Variants in BST1 observed in about 807,000 individuals in gnomAD.
BST1 encodes bone marrow stromal cell antigen 1.
BST1 carries 49 observed loss-of-function variants against 40.6 expected under a neutral mutation model. That is an observed-to-expected ratio of 1.21 (90% confidence interval 0.96 to 1.53). BST1 has a LOEUF of 1.53. BST1 is among the 40% of genes most tolerant of loss of function. The pLI, the probability that BST1 is intolerant of heterozygous loss-of-function variation, is 0.00. For missense variants in BST1, 423 were observed against 395.9 expected (o/e 1.07, Z -0.58); for synonymous variants, 157 against 159.3 (o/e 0.99, Z 0.11).
chr4:15,770,381 T>G, the BST1 span, among the ~76,000 whole-genome samples: 1 of 152,082 alleles, frequency 6.6e-6, no homozygotes, highest in Non-Finnish European at 1.5e-5. Flanking sequence ...CAGCCTGCTG[T>G]GGTGTCACTG....
At chr4:15,705,710 A>T in intron 2 of BST1, 69 bp downstream of exon 2, 2 of 1,571,348 alleles carry the variant, frequency 1.3e-6, no homozygotes. Flanking sequence ...TGCATGGGCC[A>T]GGTTGACATT....
At chr4:15,715,428 G>A in intron 5 of BST1, 67 bp downstream of exon 5, 5 of 1,500,600 alleles carry the variant, frequency 3.3e-6, no homozygotes, top group Non-Finnish European at 4.6e-6. Context: ...GTTTTAAATA[G>A]AGGCTAAAGA....
At chr4:15,703,838 G>A (rs1307206703) in intron 1 of BST1, among the ~76,000 whole-genome samples, 1 of 140,492 alleles carries the variant, frequency 7.1e-6, no homozygotes, top group African/African-American at 2.7e-5. Flanking sequence ...GTGTCTGTAT[G>A]TGTGTTCTAG....
chr4:15,759,461 T>C, the BST1 span, among the ~76,000 whole-genome samples: 1 of 152,018 alleles, frequency 6.6e-6, no homozygotes, highest in East Asian at 1.9e-4. Flanking sequence ...ACTTAGTAAA[T>C]GCTCAGTTAA....
At chr4:15,759,985 T>C in the BST1 span, among the ~76,000 whole-genome samples, 3 of 151,958 alleles carry the variant, frequency 2.0e-5, no homozygotes, top group Non-Finnish European at 4.4e-5. Flanking sequence ...AAGTATATGA[T>C]TTAGTAGTTT....
At chr4:15,748,899 A>C in the BST1 span, among the ~76,000 whole-genome samples, 1 of 152,140 alleles carries the variant, frequency 6.6e-6, no homozygotes, top group South Asian at 2.1e-4. Flanking sequence ...CTTCCATCAT[A>C]GCTCACTTCA....
chr4:15,727,900 C>G (rs1721194873), intron 8 of BST1, among the ~76,000 whole-genome samples: 1 of 151,650 alleles, frequency 6.6e-6, no homozygotes. Flanking sequence ...AAAGGGTACA[C>G]TTACTGGAGG....
chr4:15,726,136 G>GTT (rs58225702), intron 8 of BST1, among the ~76,000 whole-genome samples: 2,585 of 107,534 alleles, frequency 0.024, 199 homozygotes, highest in African/African-American at 0.087. Flanking sequence ...AACTTTTAAA[G>GTT]TTTTTTTTTT....
At chr4:15,718,838 A>T in intron 6 of BST1, 69 bp from the exon 7 acceptor site, 1 of 1,342,800 alleles carries the variant, frequency 7.4e-7, no homozygotes, top group Non-Finnish European at 1.0e-6. Flanking sequence ...AATTATGTTT[A>T]ACCCAGAAAC....
downstream of BST1, among the ~76,000 whole-genome samples, chr4:15,740,080 A>G (rs10222984): frequency 0.32 from 48,980 of 151,790 alleles, 9,142 homozygotes; most frequent in East Asian, 0.54. Flanking sequence ...GGGGGACTGA[A>G]TCTCGTTCTG....
intron 8 of BST1, among the ~76,000 whole-genome samples, chr4:15,725,095 T>TGTC (rs1721028397): frequency 6.6e-6 from 1 of 151,584 alleles, no homozygotes; most frequent in Non-Finnish European, 1.5e-5. Flanking sequence ...CTGTCTTCTC[T>TGTC]AAGCCACTGT....
chr4:15,749,961 A>C, the BST1 span, among the ~76,000 whole-genome samples: 1 of 138,762 alleles, frequency 7.2e-6, no homozygotes, highest in Non-Finnish European at 1.5e-5. Flanking sequence ...TGTATCCATT[A>C]ACCATCCCCA....
chr4:15,744,533 T>G, the BST1 span, among the ~76,000 whole-genome samples: 1 of 152,128 alleles, frequency 6.6e-6, no homozygotes. Context: ...CCTTGACACA[T>G]GGGATTATGG....
chr4:15,751,639 C>T, the BST1 span, among the ~76,000 whole-genome samples: 1 of 151,598 alleles, frequency 6.6e-6, no homozygotes, highest in African/African-American at 2.4e-5. Flanking sequence ...TATGTGTATA[C>T]ACTATATGTA....
At position 15,719,137 on chromosome 4, in the gene BST1, A is replaced by G. The variant is rs1049128310; in HGVS notation, c.791+144A>G. ...GCTTCTCGGTGTGGAGGCAAGGAGC[A>G]CTTTCTGGCCTGAGTTTGGCCAGGG... On this transcript the variant is annotated intron_variant, in intron 7 of 8. Transcript: ENST00000265016. 4.6e-6 allele frequency: 3 copies of G among 648,524 alleles called. No homozygotes were observed. The African/African-American group carries it at 5.6e-5, about 12-fold the overall frequency. The allele number at this position is 648,524 out of a possible 1,614,324, so 40.2% of individuals were successfully genotyped here.
downstream of BST1, among the ~76,000 whole-genome samples, chr4:15,735,123 C>T (rs975421368): frequency 6.6e-6 from 1 of 152,196 alleles, no homozygotes; most frequent in Non-Finnish European, 1.5e-5. Context: ...ATGTTGGTCT[C>T]TCTGTGTTGA....
chr4:15,725,583 T>C (rs1486895447), intron 8 of BST1, among the ~76,000 whole-genome samples: 1 of 152,166 alleles, frequency 6.6e-6, no homozygotes, highest in Non-Finnish European at 1.5e-5. Flanking sequence ...TCTAGTCCCA[T>C]CTTCCAGGTT....
At chr4:15,744,356 G>A in the BST1 span, among the ~76,000 whole-genome samples, 4 of 152,120 alleles carry the variant, frequency 2.6e-5, no homozygotes, top group Non-Finnish European at 5.9e-5. Context: ...GAAGGCAAAG[G>A]GGAAGCAAGG....
At chr4:15,749,935 CTTT>C in the BST1 span, among the ~76,000 whole-genome samples, 10 of 137,740 alleles carry the variant, frequency 7.3e-5, no homozygotes, top group Non-Finnish European at 7.9e-5. Context: ...TCATTCTTTT[CTTT>C]TTTTTTTTTT....
Sources: gnomAD v4.1 joint callset for allele counts (sites outside exome capture counted in the v4.1 genomes callset) on GRCh38, gnomAD v4.1.1 for gene constraint, MANE v1.5 for transcripts, NCBI Gene and HGNC (gene_info 2026-07-23, HGNC 2026-07-21) for gene names.